The following NELL1 variants were observed in gnomAD, a reference collection of about 807,000 sequenced individuals.
NELL1 encodes neural EGFL like 1, also known as protein kinase C-binding protein NELL1.
NELL1 carries 76 observed loss-of-function variants against 107.4 expected under a neutral mutation model. That is an observed-to-expected ratio of 0.71 (90% CI 0.59 to 0.86). The LOEUF (loss-of-function observed/expected upper bound fraction) is 0.86. Ranked by LOEUF, NELL1 falls within the 40% of genes least tolerant of loss-of-function variation. NELL1 has a pLI of 0.00. For missense variants in NELL1, 1,024 were observed against 1,005.5 expected (o/e 1.02, Z -0.25); for synonymous variants, 353 against 341.2 (o/e 1.03, Z -0.38).
chr11:20,909,570 C>A (rs954950200), intron 5 of NELL1, among the ~76,000 whole-genome samples: 6 of 148,312 alleles, frequency 4.0e-5, no homozygotes, highest in Admixed American at 1.4e-4. Context: ...AGCTGTTGAA[C>A]TTGTGTTGCT....
At chr11:21,487,809 G>A (rs1261937220) in intron 15 of NELL1, among the ~76,000 whole-genome samples, 2 of 152,006 alleles carry the variant, frequency 1.3e-5, no homozygotes, top group African/African-American at 2.4e-5. Flanking sequence ...AAGGACACAA[G>A]TAAACTGAAA....
At chr11:21,309,407 A>G (rs541091367) in intron 14 of NELL1, among the ~76,000 whole-genome samples, 2 of 150,542 alleles carry the variant, frequency 1.3e-5, no homozygotes, top group East Asian at 3.9e-4. Flanking sequence ...TATTATTCAA[A>G]CTCTACTTCC....
intron 14 of NELL1, among the ~76,000 whole-genome samples, chr11:21,250,107 T>C (rs1233929360): frequency 6.6e-6 from 1 of 152,222 alleles, no homozygotes; most frequent in African/African-American, 2.4e-5. Flanking sequence ...TTTGCTAATG[T>C]GGTTGGCAAC....
intron 15 of NELL1, among the ~76,000 whole-genome samples, chr11:21,525,328 A>G (rs753833046): frequency 5.9e-5 from 9 of 152,256 alleles, no homozygotes; most frequent in Non-Finnish European, 1.0e-4. Flanking sequence ...CTTACAAAGA[A>G]GAAACAGCAA....
intron 12 of NELL1, among the ~76,000 whole-genome samples, chr11:21,094,445 C>T (rs910894674): frequency 2.6e-5 from 4 of 152,204 alleles, no homozygotes; most frequent in Admixed American, 6.5e-5. Context: ...TGGCGCTCTT[C>T]TCACAGCCCC....
intron 12 of NELL1, among the ~76,000 whole-genome samples, chr11:21,110,719 T>C (rs1295035426): frequency 1.3e-5 from 2 of 152,158 alleles, no homozygotes; most frequent in African/African-American, 4.8e-5. Flanking sequence ...TGGCTGGGCA[T>C]CCCAGCAGAG....
At chr11:21,347,502 T>C (rs934690640) in intron 14 of NELL1, among the ~76,000 whole-genome samples, 4 of 152,110 alleles carry the variant, frequency 2.6e-5, no homozygotes, top group South Asian at 2.1e-4. Flanking sequence ...CCTGGGAGGC[T>C]GAGGCAGGAG....
chr11:21,331,091 GA>G (rs1028741634), intron 14 of NELL1, among the ~76,000 whole-genome samples: 1 of 151,740 alleles, frequency 6.6e-6, no homozygotes, highest in Admixed American at 6.6e-5. Context: ...TTTTTTATTT[GA>G]TGAGATATTG....
intron 15 of NELL1, among the ~76,000 whole-genome samples, chr11:21,491,605 G>A (rs1001374156): frequency 6.6e-6 from 1 of 152,154 alleles, no homozygotes; most frequent in Non-Finnish European, 1.5e-5. Context: ...CTGTAGCTTT[G>A]TAGTATAGTT....
At chr11:21,203,213 C>T (rs1857310029) in intron 13 of NELL1, among the ~76,000 whole-genome samples, 2 of 152,106 alleles carry the variant, frequency 1.3e-5, no homozygotes, top group Non-Finnish European at 2.9e-5. Flanking sequence ...CTAATATGGA[C>T]AGTGAGGTGT....
At chr11:21,458,697 G>C (rs1167666063) in intron 15 of NELL1, among the ~76,000 whole-genome samples, 3 of 152,050 alleles carry the variant, frequency 2.0e-5, no homozygotes, top group African/African-American at 7.2e-5. Context: ...ATTAGTAGAA[G>C]AACATTAGAA....
Position 21,476,919 on chromosome 11 carries a change from G to A in NELL1, c.1646-57455G>A, listed in dbSNP as rs138023831. 2.3e-3 allele frequency among the ~76,000 whole-genome samples: 346 copies of A among 152,274 alleles called. 1 individual carries two copies. The highest frequency in any genetic ancestry group is 7.7e-3 in the African/African-American group (321 of 41,550). Reference sequence around the variant, plus strand: ...AGGGAACACTTGGTGCAGCTCTAGCGAGAGGGGAAACGTCCATCCCAGCAG... The same window carrying A: ...AGGGAACACTTGGTGCAGCTCTAGCAAGAGGGGAAACGTCCATCCCAGCAG... On this transcript the variant is annotated intron_variant, in intron 15 of 19. Transcript: ENST00000357134.
chr11:20,971,638 G>GT (rs1851503593), intron 12 of NELL1, among the ~76,000 whole-genome samples: 1 of 152,090 alleles, frequency 6.6e-6, no homozygotes, highest in Non-Finnish European at 1.5e-5. Context: ...AATAACACAG[G>GT]TTTAGTGGAA....
chr11:21,385,234 CT>C (rs1017137463), intron 15 of NELL1, among the ~76,000 whole-genome samples: 8 of 151,880 alleles, frequency 5.3e-5, no homozygotes, highest in Admixed American at 3.3e-4. Flanking sequence ...GGCAGGGGTT[CT>C]GTCTTTGCCA....
intron 15 of NELL1, among the ~76,000 whole-genome samples, chr11:21,384,496 G>A (rs1192434357): frequency 6.6e-6 from 1 of 151,512 alleles, no homozygotes; most frequent in Non-Finnish European, 1.5e-5. Flanking sequence ...TGCAAAATGT[G>A]CAGGTTAGTT....
intron 13 of NELL1, among the ~76,000 whole-genome samples, chr11:21,136,917 A>G (rs1031794093): frequency 3.9e-5 from 6 of 152,228 alleles, no homozygotes; most frequent in African/African-American, 1.2e-4. Context: ...TCTCACCAGT[A>G]AAGAAGAGAA....
At chr11:21,374,426 CTTA>C (rs1192667748) in intron 15 of NELL1, among the ~76,000 whole-genome samples, 1 of 151,952 alleles carries the variant, frequency 6.6e-6, no homozygotes, top group East Asian at 1.9e-4. Context: ...CGTGAGAGGC[CTTA>C]TAACATGGCC....
intron 5 of NELL1, 42 bp from the exon 6 acceptor site, chr11:20,918,140 T>G: frequency 1.8e-6 from 2 of 1,092,430 alleles, no homozygotes; most frequent in Non-Finnish European, 2.8e-6. Flanking sequence ...TTTGAGCTGG[T>G]GACTGTAATC....
intron 12 of NELL1, among the ~76,000 whole-genome samples, chr11:21,022,058 A>G (rs1196966601): frequency 6.6e-6 from 1 of 152,078 alleles, no homozygotes; most frequent in Non-Finnish European, 1.5e-5. Context: ...ACAACCAAAA[A>G]TATCTCCACG....
Sources: allele counts gnomAD v4.1 joint callset (sites outside exome capture counted in the v4.1 genomes callset), GRCh38; gene constraint gnomAD v4.1.1; transcripts MANE v1.5; gene names NCBI Gene and HGNC (gene_info 2026-07-23, HGNC 2026-07-21).